The following PTPRO variants were observed in gnomAD, a reference collection of about 807,000 sequenced individuals.
PTPRO encodes the protein protein tyrosine phosphatase receptor type O.
A neutral mutation model predicts 145.2 loss-of-function variants in PTPRO; 62 were observed. The ratio of observed to expected loss-of-function variants is 0.43; its 90% CI spans 0.35 to 0.53. PTPRO has a LOEUF of 0.53. Among genes scored for constraint, PTPRO ranks in the 20% least tolerant of loss-of-function variants. The pLI is 0.01. For missense variants in PTPRO, 1,345 were observed against 1,482.7 expected (o/e 0.91, Z 1.53); for synonymous variants, 565 against 514.7 (o/e 1.10, Z -1.32).
intron 6 of PTPRO, 123 bp from the exon 7 acceptor site, chr12:15,508,448 C>G: frequency 1.9e-6 from 2 of 1,054,638 alleles, no homozygotes; most frequent in Non-Finnish European, 2.9e-6. Context: ...CCAGTCCGAC[C>G]GCCAATCTTT....
chr12:15,322,675 C>G lies in PTPRO; in HGVS notation c.-52C>G. 1 of 1,512,706 alleles carries G rather than the reference C, an allele frequency of 6.6e-7. No individual in the cohort carries two copies. The highest frequency in any genetic ancestry group is 1.4e-5 in the African/African-American group (1 of 72,914). 93.7% of individuals were successfully genotyped at this position (1,512,706 alleles called of 1,614,324 possible). A position where few individuals can be genotyped will look rare whatever the true frequency, so the allele number is the denominator to read the frequency against. On this transcript the variant is annotated 5_prime_UTR_variant, in exon 1 of 27. Transcript: ENST00000281171. The surrounding 1 kb of genome is among the most constrained non-coding windows in gnomAD (Gnocchi z 6.3). ...CCCAGTTCGCCATTGTGAGCCGCCG[C>G]CGGGGGAGTCCGCTAGCGCAGCCGT... is the stretch of plus-strand genomic sequence containing the variant.
In PTPRO at chr12:15,502,045, A is replaced by G; in HGVS notation, c.1087A>G (p.Ile363Val). 1 of 1,612,096 alleles carries G rather than the reference A, an allele frequency of 6.2e-7. No individual in the cohort carries two copies. The highest frequency in any genetic ancestry group is 8.5e-7 in the Non-Finnish European group (1 of 1,178,174). ...ACCCACTGCTTTTGATGGGTTCCAT[A>G]TCCATATTGAACGAGAAGGTAAAGC... ...KPPTAFDGFH[I>V]HIEREENFTE... Residue 363 changes from isoleucine (I) to valine (V), a missense_variant, in exon 5 of 27, where the codon ATC becomes GTC. Coordinates refer to ENST00000281171, the MANE Select transcript of PTPRO (RefSeq NM_030667.3).
chr12:15,417,986 G>T (rs1344418359), intron 1 of PTPRO, among the ~76,000 whole-genome samples: 2 of 151,824 alleles, frequency 1.3e-5, no homozygotes, highest in Admixed American at 6.6e-5. Flanking sequence ...TTACTTGTCT[G>T]TCATAATATA....
chr12:15,496,142 G>GTTTTTTTTTTTTTTTTTTTTTTTTTTTT (rs71042255), intron 2 of PTPRO, among the ~76,000 whole-genome samples: 1 of 75,362 alleles, frequency 1.3e-5, no homozygotes, highest in African/African-American at 5.2e-5. Flanking sequence ...TTCTTTTTTT[G>GTTTTTTTTTTTTTTTTTTTTTTTTTTTT]TTTTTTTTTT....
At chr12:15,504,655 C>T (rs1278881269) in intron 6 of PTPRO, among the ~76,000 whole-genome samples, 2 of 152,128 alleles carry the variant, frequency 1.3e-5, no homozygotes, top group African/African-American at 2.4e-5. Flanking sequence ...GCCTCTATAA[C>T]GTGTTTAGCT....
At chr12:15,548,106 CA>C (rs1173266575) in intron 13 of PTPRO, among the ~76,000 whole-genome samples, 1 of 151,556 alleles carries the variant, frequency 6.6e-6, no homozygotes, top group Non-Finnish European at 1.5e-5. Context: ...TGCTACAAGT[CA>C]AAAAAGGTAA....
At chr12:15,345,614 G>C (rs186207783) in intron 1 of PTPRO, among the ~76,000 whole-genome samples, 1 of 152,136 alleles carries the variant, frequency 6.6e-6, no homozygotes, top group African/African-American at 2.4e-5. Flanking sequence ...GTCGGGGGGT[G>C]GGGGGTTAGC....
rs942358134 is a variant in PTPRO, at chr12:15,333,173, A to G, written c.75+10372A>G. The stretch of plus-strand genomic sequence containing the variant: ...ATGCATGGCACATAGTAAGCATTCT[A>G]TACATGCAGATTTTATATTATTCCA... On this transcript the variant is annotated intron_variant, in intron 1 of 26. Transcript: ENST00000281171. 2.6e-5 allele frequency among the ~76,000 whole-genome samples: 4 copies of G among 152,212 alleles called. No homozygotes were observed. The East Asian group carries it at 7.7e-4, about 29-fold the overall frequency.
chr12:15,334,473 T>A (rs1046634235), intron 1 of PTPRO, among the ~76,000 whole-genome samples: 3 of 152,192 alleles, frequency 2.0e-5, no homozygotes, highest in East Asian at 3.8e-4. Context: ...GATTTTCAAG[T>A]GACTAACATA....
At chr12:15,561,082 G>A (rs1591738064) in intron 17 of PTPRO, among the ~76,000 whole-genome samples, 2 of 152,044 alleles carry the variant, frequency 1.3e-5, no homozygotes, top group East Asian at 1.9e-4. Context: ...TGTGCTATAA[G>A]ATAAAAGGTA....
At position 15,571,847 on chromosome 12, in the gene PTPRO, TAA is replaced by T. The variant is rs572706440; in HGVS notation, c.2829+2351_2829+2352del. ...ACCTAAGAAGGGCATTATCTCCCAA[TAA>T]AGAGAGGGTATTGGGAGAACCAAAC... is the stretch of plus-strand genomic sequence containing the variant. On this transcript the variant is annotated intron_variant, in intron 19 of 26. Coordinates refer to ENST00000281171, the MANE Select transcript of PTPRO (RefSeq NM_030667.3). Among the ~76,000 whole-genome samples the T allele has an allele frequency of 2.5e-3, 387 of 152,228 alleles. 2 individuals are homozygous for T. Among genetic ancestry groups the T allele is most frequent in the African/African-American group, 8.9e-3 (371 of 41,534 alleles).
chr12:15,447,816 T>C (rs1940940633), intron 1 of PTPRO, among the ~76,000 whole-genome samples: 1 of 152,142 alleles, frequency 6.6e-6, no homozygotes, highest in Non-Finnish European at 1.5e-5. Flanking sequence ...AAACTAATGG[T>C]TTCATTCTCT....
At chr12:15,432,122 T>A (rs965030567) in intron 1 of PTPRO, among the ~76,000 whole-genome samples, 11 of 152,140 alleles carry the variant, frequency 7.2e-5, no homozygotes, top group Non-Finnish European at 1.6e-4. Flanking sequence ...TAGTACCCAT[T>A]TGTTATTTTT....
chr12:15,341,566 A>G (rs1342704827), intron 1 of PTPRO, among the ~76,000 whole-genome samples: 2 of 152,356 alleles, frequency 1.3e-5, no homozygotes, highest in South Asian at 2.1e-4. Context: ...TTAGCTCTCA[A>G]TCTGTTTCAT....
chr12:15,428,504 T>A (rs1940344628), intron 1 of PTPRO, among the ~76,000 whole-genome samples: 1 of 152,132 alleles, frequency 6.6e-6, no homozygotes, highest in Admixed American at 6.6e-5. Flanking sequence ...GGATCATATA[T>A]AAGAGTACCC....
chr12:15,531,995 G>A (rs1331782225), intron 12 of PTPRO, among the ~76,000 whole-genome samples: 3 of 152,072 alleles, frequency 2.0e-5, no homozygotes, highest in Non-Finnish European at 4.4e-5. Flanking sequence ...GGGTAGTATT[G>A]TTGGCAGTGA....
intron 1 of PTPRO, among the ~76,000 whole-genome samples, chr12:15,432,517 C>T (rs1039419987): frequency 1.3e-5 from 2 of 152,044 alleles, no homozygotes; most frequent in Non-Finnish European, 2.9e-5. Context: ...GGGTATATAC[C>T]CAGTAATGGG....
intron 16 of PTPRO, among the ~76,000 whole-genome samples, chr12:15,559,377 C>T (rs1477883777): frequency 6.6e-6 from 1 of 152,098 alleles, no homozygotes; most frequent in Non-Finnish European, 1.5e-5. Context: ...GTATTTTTCC[C>T]CCTAATTCTC....
intron 1 of PTPRO, among the ~76,000 whole-genome samples, chr12:15,373,445 T>G (rs1485778033): frequency 6.6e-6 from 1 of 152,142 alleles, no homozygotes; most frequent in African/African-American, 2.4e-5. Flanking sequence ...ATGGAGAGAT[T>G]TCTTAAGTTT....
Sources: gnomAD v4.1 joint callset for allele counts (sites outside exome capture counted in the v4.1 genomes callset) on GRCh38, gnomAD v4.1.1 for gene constraint, Gnocchi (gnomAD v3.1) non-coding constraint, MANE v1.5 for transcripts, NCBI Gene and HGNC (gene_info 2026-07-23, HGNC 2026-07-21) for gene names.